LIMS1: variants seen among roughly 807,000 people sequenced by gnomAD.
The protein encoded by LIMS1 is LIM zinc finger domain containing 1.
LIMS1 carries 18 observed loss-of-function variants against 44.1 expected under a neutral mutation model. That is an observed-to-expected ratio of 0.41 (90% CI 0.28 to 0.61). The LOEUF (loss-of-function observed/expected upper bound fraction) is 0.61. Ranked by LOEUF, LIMS1 falls within the 20% of genes least tolerant of loss-of-function variation. The pLI is 0.32. For missense variants in LIMS1, 201 were observed against 422.0 expected (o/e 0.48, Z 4.59); for synonymous variants, 93 against 149.1 (o/e 0.62, Z 2.74).
chr2:108,567,423 A>T (rs955264826), intron 1 of LIMS1, among the ~76,000 whole-genome samples: 6 of 152,202 alleles, frequency 3.9e-5, no homozygotes, highest in Admixed American at 3.3e-4. Context: ...CAGGGTGGAA[A>T]ATGAATGAAT....
chr2:108,686,788 AAAGTGT>A (rs1335377704), exon 10 of LIMS1: 1 of 151,916 alleles, frequency 6.6e-6, no homozygotes, highest in Non-Finnish European at 1.5e-5. Flanking sequence ...AAAAAAAAAA[AAAGTGT>A]AAGTGGATTA....
intron 6 of LIMS1, 88 bp downstream of exon 6, chr2:108,676,116 G>C: frequency 2.1e-6 from 3 of 1,434,458 alleles, no homozygotes; most frequent in Non-Finnish European, 2.8e-6. Context: ...CCATGATTCA[G>C]GGGTAACCAG....
chr2:108,572,688 T>C (rs1211776073), intron 1 of LIMS1, among the ~76,000 whole-genome samples: 1 of 152,112 alleles, frequency 6.6e-6, no homozygotes, highest in Admixed American at 6.6e-5. Context: ...CCGGCCTGAC[T>C]CTTTTGCTCT....
At chr2:108,575,960 G>A (rs900783063) in intron 1 of LIMS1, among the ~76,000 whole-genome samples, 3 of 152,166 alleles carry the variant, frequency 2.0e-5, no homozygotes, top group African/African-American at 7.2e-5. Flanking sequence ...ACCTGATCAG[G>A]AAGCAGGCAC....
At chr2:108,593,863 TCA>T (rs1686531443) in intron 1 of LIMS1, among the ~76,000 whole-genome samples, 1 of 152,210 alleles carries the variant, frequency 6.6e-6, no homozygotes, top group Non-Finnish European at 1.5e-5. Flanking sequence ...AAGTCAACAT[TCA>T]GTTTTATTTT....
At chr2:108,541,781 A>G (rs2718740) in intron 1 of LIMS1, among the ~76,000 whole-genome samples, 95,070 of 152,002 alleles carry the variant, frequency 0.63, 30,326 homozygotes, top group East Asian at 0.96. Context: ...TGGCAGCTGG[A>G]ACAAAATTGC....
chr2:108,556,022 A>G (rs1445746502), intron 1 of LIMS1, among the ~76,000 whole-genome samples: 1 of 151,966 alleles, frequency 6.6e-6, no homozygotes, highest in African/African-American at 2.4e-5. Context: ...CACAAAATTT[A>G]CCATCATAAT....
At chr2:108,617,677 G>GT (rs1688001262) in intron 1 of LIMS1, among the ~76,000 whole-genome samples, 2 of 152,310 alleles carry the variant, frequency 1.3e-5, no homozygotes, top group East Asian at 3.9e-4. Context: ...GTTTAGAAAG[G>GT]TTTCTCGGAA....
intron 1 of LIMS1, among the ~76,000 whole-genome samples, chr2:108,595,439 T>TTATA (rs1686629202): frequency 6.6e-6 from 1 of 152,210 alleles, no homozygotes; most frequent in South Asian, 2.1e-4. Context: ...AGACTGCTAT[T>TTATA]CCAGCAAAAC....
intron 1 of LIMS1, among the ~76,000 whole-genome samples, chr2:108,563,724 A>C (rs983625033): frequency 6.6e-6 from 1 of 152,170 alleles, no homozygotes; most frequent in South Asian, 2.1e-4. Flanking sequence ...ACATAAACTT[A>C]GTAAAGCAAT....
At chr2:108,650,677 C>T (rs1358463348) in intron 1 of LIMS1, among the ~76,000 whole-genome samples, 2 of 152,084 alleles carry the variant, frequency 1.3e-5, no homozygotes, top group Non-Finnish European at 2.9e-5. Flanking sequence ...CCACCCGCCT[C>T]GGCCTCCCAA....
chr2:108,639,463 G>GT (rs1311947196), intron 1 of LIMS1, among the ~76,000 whole-genome samples: 4 of 152,054 alleles, frequency 2.6e-5, no homozygotes, highest in Admixed American at 1.3e-4. Context: ...TTTTTGTTTT[G>GT]TTTTTTTGAG....
chr2:108,589,311 A>C (rs1443526922), intron 1 of LIMS1, among the ~76,000 whole-genome samples: 3 of 152,204 alleles, frequency 2.0e-5, no homozygotes, highest in African/African-American at 7.2e-5. Flanking sequence ...TTAGCCTATC[A>C]ATCATCTCAA....
At chr2:108,592,285 T>A (rs539846510) in intron 1 of LIMS1, among the ~76,000 whole-genome samples, 1 of 152,156 alleles carries the variant, frequency 6.6e-6, no homozygotes, top group Non-Finnish European at 1.5e-5. Context: ...AATGTTGATG[T>A]CCTGTAGAGT....
At chr2:108,579,009 A>T (rs1685784709) in intron 1 of LIMS1, among the ~76,000 whole-genome samples, 1 of 152,158 alleles carries the variant, frequency 6.6e-6, no homozygotes, top group Non-Finnish European at 1.5e-5. Context: ...AGCATCCTGG[A>T]TTCATTATCC....
chr2:108,649,031 T>C (rs1230887475), intron 1 of LIMS1, among the ~76,000 whole-genome samples: 3 of 152,086 alleles, frequency 2.0e-5, no homozygotes, highest in Non-Finnish European at 4.4e-5. Flanking sequence ...GAAACAATCA[T>C]CAGAGTGAAC....
chr2:108,540,391 A>G (rs2104567846), intron 1 of LIMS1, among the ~76,000 whole-genome samples: 1 of 151,856 alleles, frequency 6.6e-6, no homozygotes, highest in East Asian at 1.9e-4. Context: ...GTAAAGACGG[A>G]GTTTCACCGT....
chr2:108,650,672 C>T (rs1690415885), intron 1 of LIMS1, among the ~76,000 whole-genome samples: 2 of 152,036 alleles, frequency 1.3e-5, no homozygotes, highest in Admixed American at 6.5e-5. Context: ...GTGATCCACC[C>T]GCCTCGGCCT....
chr2:108,642,455 G>A (rs1208994321), intron 1 of LIMS1, among the ~76,000 whole-genome samples: 1 of 145,426 alleles, frequency 6.9e-6, no homozygotes, highest in Non-Finnish European at 1.5e-5. Flanking sequence ...CGCCTCCCGG[G>A]TTCACGCCAT....
Sources: gnomAD v4.1 joint callset for allele counts (sites outside exome capture counted in the v4.1 genomes callset) on GRCh38, gnomAD v4.1.1 for gene constraint, MANE v1.5 for transcripts, NCBI Gene and HGNC (gene_info 2026-07-23, HGNC 2026-07-21) for gene names.